The following CADM2 variants were observed in gnomAD, a reference collection of about 807,000 sequenced individuals.
CADM2 encodes the protein cell adhesion molecule 2, also known as immunoglobulin superfamily member 4D.
A neutral mutation model predicts 49.8 loss-of-function variants in CADM2; 12 were observed. The observed-to-expected ratio is 0.24, with a 90% CI of 0.15 to 0.39. The LOEUF is 0.39. Ranked by LOEUF, CADM2 falls within the 10% of genes least tolerant of loss-of-function variation. The probability of loss-of-function intolerance (pLI) is 1.00; values close to 1 mark genes in which losing one functional copy is unlikely to be tolerated. For missense variants in CADM2, 378 were observed against 492.3 expected (o/e 0.77, Z 2.20); for synonymous variants, 214 against 175.4 (o/e 1.22, Z -1.74).
chr3:85,337,868 G>T (rs1576372897), intron 1 of CADM2, among the ~76,000 whole-genome samples: 1 of 151,496 alleles, frequency 6.6e-6, no homozygotes, highest in South Asian at 2.1e-4. Context: ...TATAAATAGT[G>T]TTATGACATT....
chr3:85,026,789 AC>A (rs2034746953), intron 1 of CADM2, among the ~76,000 whole-genome samples: 1 of 152,158 alleles, frequency 6.6e-6, no homozygotes, highest in South Asian at 2.1e-4. Flanking sequence ...GTTGTTTCTT[AC>A]ATTAGGTTAA....
At chr3:85,306,907 G>C (rs1371693734) in intron 1 of CADM2, among the ~76,000 whole-genome samples, 2 of 151,572 alleles carry the variant, frequency 1.3e-5, no homozygotes, top group South Asian at 4.1e-4. Flanking sequence ...TATATGTGCA[G>C]ATCAAAGATA....
intron 1 of CADM2, among the ~76,000 whole-genome samples, chr3:85,304,080 G>C (rs1461433732): frequency 6.6e-6 from 1 of 151,760 alleles, no homozygotes; most frequent in Non-Finnish European, 1.5e-5. Flanking sequence ...AGTTTTACTT[G>C]TAGCTCTACA....
chr3:85,528,642 A>T (rs2061228059), intron 1 of CADM2, among the ~76,000 whole-genome samples: 1 of 152,204 alleles, frequency 6.6e-6, no homozygotes, highest in Admixed American at 6.5e-5. Context: ...CTACTGCTGC[A>T]GATAATACTA....
At chr3:85,595,284 T>A (rs1407191447) in intron 1 of CADM2, among the ~76,000 whole-genome samples, 1 of 151,970 alleles carries the variant, frequency 6.6e-6, no homozygotes, top group Non-Finnish European at 1.5e-5. Context: ...AATCTTTGTA[T>A]TATTTAGTAC....
chr3:85,088,569 T>C (rs926825215), intron 1 of CADM2, among the ~76,000 whole-genome samples: 7 of 152,058 alleles, frequency 4.6e-5, no homozygotes, highest in African/African-American at 1.7e-4. Flanking sequence ...CTGGTTCTAA[T>C]TAGGAAATAG....
chr3:85,658,594 A>G (rs946111428), intron 1 of CADM2, among the ~76,000 whole-genome samples: 10 of 138,028 alleles, frequency 7.2e-5, no homozygotes, highest in African/African-American at 2.2e-4. Flanking sequence ...ATATATATAT[A>G]TATATATATA....
chr3:85,923,475 C>T (rs1344575659), intron 6 of CADM2, among the ~76,000 whole-genome samples: 1 of 150,356 alleles, frequency 6.7e-6, no homozygotes, highest in Non-Finnish European at 1.5e-5. Flanking sequence ...TATTAATTTC[C>T]TTCTTTTGCC....
At chr3:85,811,331 T>A (rs1382007531) in intron 3 of CADM2, among the ~76,000 whole-genome samples, 3 of 152,232 alleles carry the variant, frequency 2.0e-5, no homozygotes, top group Admixed American at 6.5e-5. Flanking sequence ...TGTAAACATA[T>A]ATTTTACTAA....
intron 1 of CADM2, among the ~76,000 whole-genome samples, chr3:85,685,781 C>T (rs1023857760): frequency 4.0e-5 from 6 of 151,800 alleles, no homozygotes; most frequent in African/African-American, 1.2e-4. Flanking sequence ...CGTGCCACCA[C>T]GCCTGGCTAA....
chr3:85,228,151 C>T (rs1348521318), intron 1 of CADM2, among the ~76,000 whole-genome samples: 1 of 151,978 alleles, frequency 6.6e-6, no homozygotes, highest in Non-Finnish European at 1.5e-5. Flanking sequence ...TCTGTATTTC[C>T]TCAACTTGAA....
At chr3:85,941,954 T>G (rs936706755) in intron 7 of CADM2, among the ~76,000 whole-genome samples, 7 of 152,142 alleles carry the variant, frequency 4.6e-5, no homozygotes, top group South Asian at 2.1e-4. Context: ...TTACAAAGAC[T>G]GCTGTAATCG....
intron 1 of CADM2, among the ~76,000 whole-genome samples, chr3:85,236,742 G>A (rs1441777468): frequency 1.3e-5 from 2 of 151,980 alleles, no homozygotes; most frequent in Non-Finnish European, 2.9e-5. Context: ...ACGTATTAAT[G>A]GATTTCAAAG....
chr3:86,059,059 A>G (rs868703949), intron 8 of CADM2, among the ~76,000 whole-genome samples: 17 of 150,052 alleles, frequency 1.1e-4, no homozygotes, highest in African/African-American at 4.2e-4. Context: ...GTACCCCTGC[A>G]CTTCAGCCTG....
At chr3:85,258,101 C>T (rs2042931178) in intron 1 of CADM2, among the ~76,000 whole-genome samples, 1 of 151,970 alleles carries the variant, frequency 6.6e-6, no homozygotes, top group South Asian at 2.1e-4. Context: ...ATTCAGATTC[C>T]CCAAAGGTCA....
intron 1 of CADM2, among the ~76,000 whole-genome samples, chr3:85,557,652 T>TTG (rs1384154845): frequency 1.3e-5 from 2 of 152,084 alleles, no homozygotes; most frequent in Non-Finnish European, 2.9e-5. Flanking sequence ...TTTTACACTG[T>TTG]TGTGATAAGT....
At chr3:85,533,148 TTAAAA>T (rs2061354309) in intron 1 of CADM2, among the ~76,000 whole-genome samples, 1 of 152,254 alleles carries the variant, frequency 6.6e-6, no homozygotes, top group East Asian at 1.9e-4. Flanking sequence ...ATCCCTAAAC[TTAAAA>T]TAAAAGCTAA....
intron 2 of CADM2, among the ~76,000 whole-genome samples, chr3:85,730,691 C>G (rs1443286795): frequency 2.0e-5 from 3 of 152,054 alleles, no homozygotes; most frequent in Admixed American, 6.6e-5. Flanking sequence ...TTTTATTTCA[C>G]TCTGTTATGC....
intron 1 of CADM2, among the ~76,000 whole-genome samples, chr3:85,054,511 C>G (rs1480606324): frequency 6.6e-6 from 1 of 151,752 alleles, no homozygotes; most frequent in Non-Finnish European, 1.5e-5. Flanking sequence ...ATGGAATTAC[C>G]TATTAGGAAG....
Sources: gnomAD v4.1 joint callset for allele counts (sites outside exome capture counted in the v4.1 genomes callset) on GRCh38, gnomAD v4.1.1 for gene constraint, MANE v1.5 for transcripts, NCBI Gene and HGNC (gene_info 2026-07-23, HGNC 2026-07-21) for gene names.